Variants in ELF2 observed in about 807,000 individuals in gnomAD.
ELF2 encodes E74 like ETS transcription factor 2.
Under a neutral mutation model 54.8 loss-of-function variants are expected in ELF2, and 11 were observed. The ratio of observed to expected loss-of-function variants is 0.20; its 90% confidence interval spans 0.13 to 0.33. The LOEUF (loss-of-function observed/expected upper bound fraction) is 0.33. ELF2 is among the 10% of genes least tolerant of loss of function. The pLI, the probability that ELF2 is intolerant of heterozygous loss-of-function variation, is 1.00. For synonymous variants in ELF2, 203 were observed against 245.1 expected (o/e 0.83, Z 1.61); for missense variants, 513 against 703.0 (o/e 0.73, Z 3.06).
chr4:139,079,122 G>A (rs895629858), intron 4 of ELF2, among the ~76,000 whole-genome samples: 1 of 151,808 alleles, frequency 6.6e-6, no homozygotes, highest in South Asian at 2.1e-4. Flanking sequence ...AGAGACGAGG[G>A]TCTCACTATG....
At chr4:139,077,770 C>T (rs1002495413) in intron 4 of ELF2, among the ~76,000 whole-genome samples, 1 of 152,114 alleles carries the variant, frequency 6.6e-6, no homozygotes, top group African/African-American at 2.4e-5. Context: ...AGTAAGCAAG[C>T]TACAAGCAAG....
chr4:139,174,482 T>C (rs1417819274), intron 1 of ELF2, among the ~76,000 whole-genome samples: 1 of 152,090 alleles, frequency 6.6e-6, no homozygotes, highest in Non-Finnish European at 1.5e-5. Context: ...TGGGGGATGA[T>C]TAAAATGCTG....
chr4:139,088,225 T>C (rs1362740468), intron 4 of ELF2, among the ~76,000 whole-genome samples: 1 of 149,874 alleles, frequency 6.7e-6, no homozygotes, highest in Non-Finnish European at 1.5e-5. Context: ...AGAGGAAGGT[T>C]GCAGTGAGCT....
intron 4 of ELF2, among the ~76,000 whole-genome samples, chr4:139,095,293 T>C (rs1443137036): frequency 6.6e-6 from 1 of 151,890 alleles, no homozygotes; most frequent in Admixed American, 6.6e-5. Flanking sequence ...CAAGCAATTC[T>C]CGCACCTCAG....
At chr4:139,093,896 C>CTTTTTT (rs33953924) in intron 4 of ELF2, among the ~76,000 whole-genome samples, 1 of 83,540 alleles carries the variant, frequency 1.2e-5, no homozygotes, top group Non-Finnish European at 2.5e-5. Flanking sequence ...TGACTAACAT[C>CTTTTTT]TTTTTTTTTT....
intron 4 of ELF2, among the ~76,000 whole-genome samples, chr4:139,098,185 A>G (rs978852616): frequency 2.0e-5 from 3 of 152,170 alleles, no homozygotes; most frequent in African/African-American, 7.2e-5. Context: ...CTTTGATACT[A>G]TTTTTAATTT....
At chr4:139,172,051 T>C (rs1278636932) in intron 1 of ELF2, among the ~76,000 whole-genome samples, 1 of 152,206 alleles carries the variant, frequency 6.6e-6, no homozygotes, top group African/African-American at 2.4e-5. Flanking sequence ...ATGGCCACTT[T>C]GGGAAAACAG....
chr4:139,165,170 C>T lies in ELF2; in HGVS notation c.-252+11797G>A, dbSNP rs139142471. 1.9e-3 allele frequency among the ~76,000 whole-genome samples: 291 copies of T among 152,276 alleles called. 2 individuals are homozygous for T. Among genetic ancestry groups the T allele is most frequent in the African/African-American group, 6.4e-3 (264 of 41,552 alleles). On this transcript the variant is annotated intron_variant, in intron 1 of 9. Transcript: ENST00000686138. Reference sequence around the variant, plus strand: ...TTTTTGGTTACTTAGGAAAACTGGGCTTTAGAAGGGTTAAGGGTTTGGGGT... The same window carrying T: ...TTTTTGGTTACTTAGGAAAACTGGGTTTTAGAAGGGTTAAGGGTTTGGGGT...
intron 1 of ELF2, among the ~76,000 whole-genome samples, chr4:139,166,588 G>A (rs1452967360): frequency 6.6e-6 from 1 of 152,082 alleles, no homozygotes. Flanking sequence ...ATGAGATTAG[G>A]CCGGGCACGG....
At chr4:139,173,483 G>A (rs1240070973) in intron 1 of ELF2, among the ~76,000 whole-genome samples, 1 of 152,110 alleles carries the variant, frequency 6.6e-6, no homozygotes, top group Non-Finnish European at 1.5e-5. Context: ...TACAGGGTGG[G>A]TGCAGTGGCT....
rs1408813514 is a variant in ELF2, at chr4:139,058,344, C to T, written c.*639G>A. 2 of 149,170 alleles carry T rather than the reference C, an allele frequency of 1.3e-5. No homozygotes were observed. The highest frequency in any genetic ancestry group is 3.0e-5 in the Non-Finnish European group (2 of 67,464). The allele number at this position is 149,170 out of a possible 1,614,324, so 9.2% of individuals were successfully genotyped here. On this transcript the variant is annotated 3_prime_UTR_variant, in exon 10 of 10. Transcript: ENST00000686138. ...ATTAGCTTATTTCAAGAAAGAAAAT[C>T]GAAAATTAGTCTAAGGCCTTTGTTT... is the stretch of plus-strand genomic sequence containing the variant.
chr4:139,142,545 G>A (rs1264770374), intron 1 of ELF2, among the ~76,000 whole-genome samples: 1 of 152,204 alleles, frequency 6.6e-6, no homozygotes. Context: ...ATGCTGGGTT[G>A]AGAACAGACA....
At chr4:139,133,193 T>C (rs1737729142) in intron 3 of ELF2, among the ~76,000 whole-genome samples, 1 of 152,096 alleles carries the variant, frequency 6.6e-6, no homozygotes, top group Non-Finnish European at 1.5e-5. Context: ...AATGCTGGGA[T>C]TACAGGCGTG....
intron 5 of ELF2, among the ~76,000 whole-genome samples, chr4:139,072,725 A>G (rs1008073701): frequency 1.3e-5 from 2 of 152,198 alleles, no homozygotes; most frequent in African/African-American, 4.8e-5. Flanking sequence ...TTCTATTTCA[A>G]TTAAGAGATA....
intron 3 of ELF2, among the ~76,000 whole-genome samples, chr4:139,134,716 G>A (rs553628020): frequency 5.3e-5 from 8 of 150,980 alleles, no homozygotes; most frequent in Non-Finnish European, 8.8e-5. Flanking sequence ...ACCTGCCTTA[G>A]TCTCCCCAAT....
chr4:139,177,821 G>A (rs112185159), upstream of ELF2, among the ~76,000 whole-genome samples: 2 of 152,166 alleles, frequency 1.3e-5, no homozygotes, highest in African/African-American at 4.8e-5. Flanking sequence ...CCCCACAGTC[G>A]GGCAGTCTGA....
At chr4:139,170,729 T>TATATTATATG (rs1553978366) in intron 1 of ELF2, among the ~76,000 whole-genome samples, 3 of 147,592 alleles carry the variant, frequency 2.0e-5, no homozygotes, top group African/African-American at 7.4e-5. Context: ...TATATTATAT[T>TATATTATATG]ATATTATATT....
At chr4:139,090,100 A>T (rs1461483621) in intron 4 of ELF2, among the ~76,000 whole-genome samples, 1 of 152,146 alleles carries the variant, frequency 6.6e-6, no homozygotes, top group African/African-American at 2.4e-5. Context: ...CTAATTTTTT[A>T]AAATAATTTT....
intron 4 of ELF2, chr4:139,116,505 A>C (rs915778629): frequency 8.7e-6 from 2 of 230,536 alleles, no homozygotes; most frequent in Non-Finnish European, 1.4e-5. Context: ...ACTATCTTGG[A>C]GGAAAAATAT....
Sources: gnomAD v4.1 joint callset for allele counts (sites outside exome capture counted in the v4.1 genomes callset) on GRCh38, gnomAD v4.1.1 for gene constraint, MANE v1.5 for transcripts, NCBI Gene and HGNC (gene_info 2026-07-23, HGNC 2026-07-21) for gene names.